Variants in GABRR1 observed in about 807,000 individuals in gnomAD.
GABRR1 encodes gamma-aminobutyric acid type A receptor subunit rho1, also known as gamma-aminobutyric acid receptor subunit rho-1.
A neutral mutation model predicts 55.5 loss-of-function variants in GABRR1; 59 were observed. That is an observed-to-expected ratio of 1.06 (90% CI 0.86 to 1.32). The LOEUF (loss-of-function observed/expected upper bound fraction) is 1.32. Among genes scored for constraint, GABRR1 ranks in the 40% most tolerant of loss-of-function variants. The pLI is 0.00. For missense variants in GABRR1, 602 were observed against 619.1 expected (o/e 0.97, Z 0.29); for synonymous variants, 213 against 226.0 (o/e 0.94, Z 0.51).
intron 6 of GABRR1, 79 bp from the exon 7 acceptor site, chr6:89,185,529 C>T: frequency 2.4e-6 from 3 of 1,238,322 alleles, no homozygotes; most frequent in Non-Finnish European, 1.2e-6. Context: ...GAAGCTGTGT[C>T]CTGACCTCCC....
chr6:89,190,358 A>G (rs546876723), intron 5 of GABRR1, 111 bp from the exon 6 acceptor site: 2 of 648,768 alleles, frequency 3.1e-6, no homozygotes, highest in African/African-American at 3.7e-5. Flanking sequence ...GCCTCTTCTC[A>G]TACTTCATAA....
At chr6:89,212,747 C>T (rs935322443) in intron 1 of GABRR1, among the ~76,000 whole-genome samples, 4 of 152,110 alleles carry the variant, frequency 2.6e-5, no homozygotes, top group African/African-American at 9.7e-5. Context: ...CGGCTCACTG[C>T]AGCCTTGACA....
intron 1 of GABRR1, among the ~76,000 whole-genome samples, chr6:89,211,322 CT>C (rs1402018047): frequency 3.3e-5 from 5 of 152,194 alleles, no homozygotes; most frequent in African/African-American, 9.7e-5. Context: ...GTTGCCGCCC[CT>C]GGCCTCTCTT....
upstream of GABRR1, among the ~76,000 whole-genome samples, chr6:89,221,901 G>A (rs1323882164): frequency 2.6e-5 from 4 of 152,122 alleles, no homozygotes; most frequent in Admixed American, 6.5e-5. Context: ...TGCTGTAATC[G>A]AGCCATGGAA....
At chr6:89,204,763 CTT>C in intron 1 of GABRR1, 1 of 765,218 alleles carries the variant, frequency 1.3e-6, no homozygotes, top group South Asian at 2.0e-5. Context: ...TATTAGATAA[CTT>C]TTTTTCCTGT....
chr6:89,181,196 A>G (rs935302055), intron 8 of GABRR1, among the ~76,000 whole-genome samples: 1 of 152,196 alleles, frequency 6.6e-6, no homozygotes, highest in Non-Finnish European at 1.5e-5. Context: ...TAAGCTCAGA[A>G]CATTTGTTTG....
rs1771617942 is a variant in GABRR1 at position 89,178,801 on chromosome 6, A to C, written c.1409T>G (p.Phe470Cys). 1 of 1,613,960 alleles carries C rather than the reference A, an allele frequency of 6.2e-7. No homozygotes were observed. Among genetic ancestry groups the C allele is most frequent in the African/African-American group, 1.3e-5 (1 of 74,914 alleles). ...RIIFPAAYIL[F>C]NLIYWSIFS Reference sequence around the variant, plus strand: ...GAAAATAGACCAGTATATTAAATTGAATAAAATGTATGCTGCTGGAAAGAT... The same window carrying C: ...GAAAATAGACCAGTATATTAAATTGCATAAAATGTATGCTGCTGGAAAGAT... The change falls in exon 10 of 10, where the codon TTC becomes TGC. Residue 470 changes from phenylalanine (F) to cysteine (C), a missense_variant. Transcript: ENST00000454853.
chr6:89,218,458 GC>G (rs1773059073), upstream of GABRR1, among the ~76,000 whole-genome samples: 1 of 152,160 alleles, frequency 6.6e-6, no homozygotes, highest in African/African-American at 2.4e-5. Flanking sequence ...TTCACAATAA[GC>G]TTTTAAATTC....
chr6:89,225,493 C>A (rs1779296466), intron 1 of GABRR1, among the ~76,000 whole-genome samples: 1 of 138,166 alleles, frequency 7.2e-6, no homozygotes, highest in South Asian at 2.4e-4. Context: ...CAATTCCCAC[C>A]TATGAGTGAG....
intron 1 of GABRR1, among the ~76,000 whole-genome samples, chr6:89,229,376 GGCATGATTTT>G (rs1362873042): frequency 6.6e-6 from 1 of 151,428 alleles, no homozygotes; most frequent in Non-Finnish European, 1.5e-5. Flanking sequence ...TTTACATTTT[GGCATGATTTT>G]GCAGCAGCTG....
chr6:89,203,343 G>A (rs1391056686), intron 2 of GABRR1, 92 bp downstream of exon 2: 1 of 1,119,330 alleles, frequency 8.9e-7, no homozygotes, highest in African/African-American at 1.5e-5. Context: ...TCCTTGGTGA[G>A]GGGTCGGGGA....
chr6:89,178,161 T>G lies in GABRR1; in HGVS notation c.*609A>C, dbSNP rs1441146368. On this transcript the variant is annotated 3_prime_UTR_variant, in exon 10 of 10. Transcript: ENST00000454853. ...AAAATCAGAAGCAATTGCGCCAATC[T>G]AAAGAGCTTTTCTTGTGAAGGGGTA... is the stretch of plus-strand genomic sequence containing the variant. 6.5e-6 allele frequency: 1 copy of G among 152,728 alleles called. No homozygotes were observed. The highest frequency in any genetic ancestry group is 1.5e-5 in the Non-Finnish European group (1 of 68,470). 9.5% of individuals were successfully genotyped at this position (152,728 alleles called of 1,614,324 possible).
At chr6:89,208,740 T>G (rs1170842796) in intron 1 of GABRR1, among the ~76,000 whole-genome samples, 1 of 152,226 alleles carries the variant, frequency 6.6e-6, no homozygotes, top group Non-Finnish European at 1.5e-5. Flanking sequence ...CCCACAAATG[T>G]GTGATCCAGA....
At chr6:89,198,371 A>C (rs1376525781) in intron 4 of GABRR1, 128 bp from the exon 5 acceptor site, 12 of 497,570 alleles carry the variant, frequency 2.4e-5, no homozygotes, top group Non-Finnish European at 4.1e-5. Context: ...TTTTGCTTCT[A>C]GTCTCCAGAG....
intron 5 of GABRR1, among the ~76,000 whole-genome samples, chr6:89,191,412 C>T (rs1233150734): frequency 6.6e-6 from 1 of 152,170 alleles, no homozygotes; most frequent in African/African-American, 2.4e-5. Flanking sequence ...AAGCTAAGAA[C>T]TAACTTCAGG....
Position 89,199,512 on chromosome 6 carries a change from C to T in GABRR1, c.281-83G>A, listed in dbSNP as rs1020139862. The T allele has an allele frequency of 1.6e-5, 20 of 1,282,452 alleles. No homozygotes were observed. In the Admixed American group the frequency reaches 3.4e-4, roughly 22 times the overall value. 79.4% of individuals were successfully genotyped at this position (1,282,452 alleles called of 1,614,324 possible). On this transcript the variant is annotated intron_variant, in intron 3 of 9. Transcript: ENST00000454853. ...GGAAATAGGCAAAAGGAGCATTTCCCCTGGAACCTCAATGTCATATCAGAT... is the reference window on the plus strand; with the variant it reads ...GGAAATAGGCAAAAGGAGCATTTCCTCTGGAACCTCAATGTCATATCAGAT...
intron 6 of GABRR1, 42 bp from the exon 7 acceptor site, chr6:89,185,492 A>T: frequency 6.4e-7 from 1 of 1,573,900 alleles, no homozygotes; most frequent in Admixed American, 1.7e-5. Flanking sequence ...GGTGGTGGCA[A>T]GACAGGATGG....
At chr6:89,199,519 C>A in intron 3 of GABRR1, 90 bp from the exon 4 acceptor site, 2 of 1,206,048 alleles carry the variant, frequency 1.7e-6, no homozygotes. Flanking sequence ...TCCCCTGGAA[C>A]CTCAATGTCA....
At chr6:89,206,393 C>T (rs575342194) in intron 1 of GABRR1, among the ~76,000 whole-genome samples, 106 of 152,248 alleles carry the variant, frequency 7.0e-4, no homozygotes, top group African/African-American at 2.2e-3. Flanking sequence ...GCTTTGCTCC[C>T]GATGTCCCAA....
Sources: gnomAD v4.1 joint callset for allele counts (sites outside exome capture counted in the v4.1 genomes callset) on GRCh38, gnomAD v4.1.1 for gene constraint, MANE v1.5 for transcripts, NCBI Gene and HGNC (gene_info 2026-07-23, HGNC 2026-07-21) for gene names.